The following ERVH48-1 variants were observed in gnomAD, a reference collection of about 807,000 sequenced individuals.
ERVH48-1 encodes suppressyn.
In ERVH48-1, 4 loss-of-function variants were observed where a neutral mutation model predicts 2.4. The observed-to-expected ratio is 1.68, with a 90% CI of 0.83 to 3.84. The LOEUF is 3.84. ERVH48-1 is among the 30% of genes most tolerant of loss of function. The pLI is 0.01. For synonymous variants in ERVH48-1, 32 were observed against 15.5 expected (o/e 2.06, Z -2.49); for missense variants, 97 against 43.4 (o/e 2.23, Z -3.47).
At chr21:42,920,918 G>A (rs1425561248) in intron 1 of ERVH48-1, among the ~76,000 whole-genome samples, 2 of 152,192 alleles carry the variant, frequency 1.3e-5, no homozygotes, top group African/African-American at 4.8e-5. Flanking sequence ...TACAGTTGGA[G>A]GAGCCGTGGG....
At chr21:42,920,895 TA>T (rs1162509177) in intron 1 of ERVH48-1, among the ~76,000 whole-genome samples, 2 of 152,170 alleles carry the variant, frequency 1.3e-5, no homozygotes, top group Non-Finnish European at 2.9e-5. Context: ...GGGGGGTTTC[TA>T]TGAATAAAGC....
chr21:42,922,363 A>T (rs73905785), intron 1 of ERVH48-1, among the ~76,000 whole-genome samples: 9,548 of 151,924 alleles, frequency 0.063, 350 homozygotes, highest in East Asian at 0.13. Flanking sequence ...GTACTAGGGG[A>T]ACGTGGGAGT....
In ERVH48-1 at chr21:42,919,036, TGTTTTG is replaced by T; in HGVS notation, c.-36_-31del. On this transcript the variant is annotated 5_prime_UTR_variant, in exon 2 of 2. Transcript: ENST00000447535. ...GGAAGCACGTGGTTAGTCTTCCTTG[TGTTTTG>T]GTTTTAAGAAAAAAATGTTGGTTAA... The T allele has an allele frequency of 8.1e-7, 1 of 1,227,880 alleles. No homozygotes were observed. Among genetic ancestry groups the T allele is most frequent in the Admixed American group, 2.9e-5 (1 of 34,142 alleles). The allele number at this position is 1,227,880 out of a possible 1,614,324, so 76.1% of individuals were successfully genotyped here.
chr21:42,922,326 C>T (rs568765278), intron 1 of ERVH48-1, among the ~76,000 whole-genome samples: 15 of 151,924 alleles, frequency 9.9e-5, no homozygotes, highest in Non-Finnish European at 1.5e-5. Flanking sequence ...GTTAGAAGCC[C>T]TGGAGGGGTC....
intron 1 of ERVH48-1, among the ~76,000 whole-genome samples, chr21:42,921,994 G>A (rs1392035054): frequency 6.6e-6 from 1 of 152,200 alleles, no homozygotes; most frequent in African/African-American, 2.4e-5. Context: ...TAATGAGCCT[G>A]AAGTCCTGGA....
chr21:42,921,409 T>A (rs2058805314), intron 1 of ERVH48-1, among the ~76,000 whole-genome samples: 1 of 152,038 alleles, frequency 6.6e-6, no homozygotes, highest in African/African-American at 2.4e-5. Context: ...AATTTCTTGC[T>A]TAGTTTGCGG....
chr21:42,921,963 ATACTGGGAG>A (rs2058807257), intron 1 of ERVH48-1, among the ~76,000 whole-genome samples: 1 of 152,222 alleles, frequency 6.6e-6, no homozygotes, highest in Non-Finnish European at 1.5e-5. Flanking sequence ...ACTACTGGAC[ATACTGGGAG>A]TACAGTTTGG....
rs1380302083 is a variant in ERVH48-1, at chr21:42,917,847, A to C, written c.*677T>G. On this transcript the variant is annotated 3_prime_UTR_variant, in exon 2 of 2. Coordinates refer to ENST00000447535, the MANE Select transcript of ERVH48-1 (RefSeq NM_001308491.2). ...CAATCTTTGGCTCCCTCCTACCTCC[A>C]AGGATCATTTTTCTCTGGTTATCAT... The C allele has an allele frequency of 1.3e-5, 2 of 152,184 alleles. No homozygotes were observed. The highest frequency in any genetic ancestry group is 6.6e-5 in the Admixed American group (1 of 15,266). The allele number at this position is 152,184 out of a possible 1,614,324, so 9.4% of individuals were successfully genotyped here. A position where few individuals can be genotyped will look rare whatever the true frequency, so the allele number is the denominator to read the frequency against.
chr21:42,923,435 A>T (rs1364614541), intron 1 of ERVH48-1, among the ~76,000 whole-genome samples: 4 of 152,168 alleles, frequency 2.6e-5, no homozygotes, highest in African/African-American at 9.7e-5. Context: ...GCTGGATATC[A>T]GGGATGGGTT....
chr21:42,925,404 G>C lies in ERVH48-1; in HGVS notation c.-344C>G, dbSNP rs2058817880. 2 of 492,198 alleles carry C rather than the reference G, an allele frequency of 4.1e-6. No homozygotes were observed. The highest frequency in any genetic ancestry group is 2.0e-5 in the African/African-American group (1 of 49,372). 30.5% of individuals were successfully genotyped at this position (492,198 alleles called of 1,614,324 possible). A position where few individuals can be genotyped will look rare whatever the true frequency, so the allele number is the denominator to read the frequency against. On this transcript the variant is annotated 5_prime_UTR_variant, in exon 1 of 2. Transcript: ENST00000447535. The stretch of plus-strand genomic sequence containing the variant: ...CAGAGAGGCGACTAGAGGCTGAGGA[G>C]CTTCCTTTGTCCGGCTGCTGTGGCC...
chr21:42,925,305 T>G (rs1035266335), intron 1 of ERVH48-1, 41 bp downstream of exon 1: 9 of 368,126 alleles, frequency 2.4e-5, no homozygotes, highest in African/African-American at 2.0e-4. Flanking sequence ...AGAGAGGCCG[T>G]GCGGATTTTT....
At position 42,919,162 on chromosome 21, in the gene ERVH48-1, C is replaced by T. The variant is rs935705822; in HGVS notation, c.-156G>A. On this transcript the variant is annotated 5_prime_UTR_variant, in exon 2 of 2. Coordinates refer to ENST00000447535, the MANE Select transcript of ERVH48-1 (RefSeq NM_001308491.2). ...CTTGGGGGTGAGCTTGACCCTGGTG[C>T]GATGGATCCAGTTGGGGAGTCCTCG... 2.7e-5 allele frequency: 25 copies of T among 931,478 alleles called. No homozygotes were observed. The highest frequency in any genetic ancestry group is 3.2e-5 in the Non-Finnish European group (23 of 708,148). The allele number at this position is 931,478 out of a possible 1,614,324, so 57.7% of individuals were successfully genotyped here. A position where few individuals can be genotyped will look rare whatever the true frequency, so the allele number is the denominator to read the frequency against.
rs542949571 is a variant in ERVH48-1 at position 42,924,324 on chromosome 21, G to A, written c.-286+1022C>T. Reference sequence around the variant, plus strand: ...TGCTGGCTGGGAAGACAAAGAGGAGGCTTAGGGGGTTAAAGAAGACGGTTG... The same window carrying A: ...TGCTGGCTGGGAAGACAAAGAGGAGACTTAGGGGGTTAAAGAAGACGGTTG... On this transcript the variant is annotated intron_variant, in intron 1 of 1. Coordinates refer to ENST00000447535, the MANE Select transcript of ERVH48-1 (RefSeq NM_001308491.2). Among the ~76,000 whole-genome samples, 600 of 152,214 alleles carry A rather than the reference G, an allele frequency of 3.9e-3. 5 individuals carry two copies. Among genetic ancestry groups the A allele is most frequent in the Middle Eastern group, 0.014 (4 of 294 alleles).
At chr21:42,922,255 T>C (rs13047817) in intron 1 of ERVH48-1, among the ~76,000 whole-genome samples, 105,523 of 151,438 alleles carry the variant, frequency 0.7, 38,215 homozygotes, top group African/African-American at 0.9. Context: ...GGGTTAACCA[T>C]GGATGGGGGA....
At chr21:42,922,266 T>C (rs564476981) in intron 1 of ERVH48-1, among the ~76,000 whole-genome samples, 227 of 151,886 alleles carry the variant, frequency 1.5e-3, no homozygotes, top group Non-Finnish European at 2.9e-3. Context: ...GGATGGGGGA[T>C]AAGGAAAGGT....
In ERVH48-1 at chr21:42,918,407, T is replaced by C; in HGVS notation, c.*117A>G. ...AATGTCTATCCCGTCCCACAGCCAC[T>C]GTTCACTCATAAAGCTCCCCCGCAT... On this transcript the variant is annotated 3_prime_UTR_variant, in exon 2 of 2. Coordinates refer to ENST00000447535, the MANE Select transcript of ERVH48-1 (RefSeq NM_001308491.2). The C allele has an allele frequency of 2.7e-6, 1 of 370,008 alleles. No individual in the cohort carries two copies. Among genetic ancestry groups the C allele is most frequent in the East Asian group, 7.2e-5 (1 of 13,814 alleles). 22.9% of individuals were successfully genotyped at this position (370,008 alleles called of 1,614,324 possible).
At chr21:42,923,968 A>C (rs1207841933) in intron 1 of ERVH48-1, among the ~76,000 whole-genome samples, 1 of 152,168 alleles carries the variant, frequency 6.6e-6, no homozygotes, top group Non-Finnish European at 1.5e-5. Flanking sequence ...GGGAACATGA[A>C]CTCTAATAAG....
chr21:42,921,318 A>G (rs1200210938), intron 1 of ERVH48-1, among the ~76,000 whole-genome samples: 3 of 152,100 alleles, frequency 2.0e-5, no homozygotes, highest in Admixed American at 6.6e-5. Flanking sequence ...GGCCTTTAGC[A>G]GCTTGGTATA....
intron 1 of ERVH48-1, 131 bp from the exon 2 acceptor site, chr21:42,919,422 G>A (rs2058799040): frequency 6.0e-6 from 1 of 166,694 alleles, no homozygotes; most frequent in African/African-American, 2.4e-5. Flanking sequence ...GTGGCTCAGA[G>A]TCTGTTAAGG....
Sources: gnomAD v4.1 joint callset for allele counts (sites outside exome capture counted in the v4.1 genomes callset) on GRCh38, gnomAD v4.1.1 for gene constraint, MANE v1.5 for transcripts, NCBI Gene and HGNC (gene_info 2026-07-23, HGNC 2026-07-21) for gene names.